CSMD1: variants seen among roughly 807,000 people sequenced by gnomAD.
The protein encoded by CSMD1 is CUB and sushi domain-containing protein 1.
Under a neutral mutation model 417.5 loss-of-function variants are expected in CSMD1, and 213 were observed. The ratio of observed to expected loss-of-function variants is 0.51; its 90% CI spans 0.46 to 0.57. The LOEUF (loss-of-function observed/expected upper bound fraction) is 0.57. CSMD1 is among the 20% of genes least tolerant of loss of function. The pLI is 0.00. For synonymous variants in CSMD1, 2,862 were observed against 1,736.8 expected (o/e 1.65, Z -16.11); for missense variants, 6,923 against 4,529.7 (o/e 1.53, Z -15.17).
At chr8:3,382,585 TATAA>T (rs1454385929) in intron 18 of CSMD1, among the ~76,000 whole-genome samples, 1 of 110,174 alleles carries the variant, frequency 9.1e-6, no homozygotes, top group Non-Finnish European at 2.0e-5. Context: ...ATAATAGATA[TATAA>T]ATATCTCTAT....
rs1489868387 is a variant in CSMD1, at chr8:3,351,571, T to C, written c.3305-3410A>G. ...GAGACCACCCAACTACATTTCAGCC[T>C]GGGCGACACAGTGTGAGACTCTGTT... On this transcript the variant is annotated intron_variant, in intron 21 of 69. Coordinates refer to ENST00000635120, the MANE Select transcript of CSMD1 (RefSeq NM_033225.6). 4.2e-5 allele frequency among the ~76,000 whole-genome samples: 6 copies of C among 142,840 alleles called. No homozygotes were observed. The South Asian group carries it at 1.3e-3, about 31-fold the overall frequency. The allele number at this position is 142,840 out of a possible 152,430, so 93.7% of individuals were successfully genotyped here. A position where few individuals can be genotyped will look rare whatever the true frequency, so the allele number is the denominator to read the frequency against.
chr8:3,191,579 C>T (rs919677942), intron 33 of CSMD1, among the ~76,000 whole-genome samples: 5 of 152,070 alleles, frequency 3.3e-5, no homozygotes, highest in Admixed American at 2.6e-4. Context: ...TATGGAATGA[C>T]GTGTGTGTAT....
At chr8:4,293,622 GTAT>G (rs1485857518) in intron 3 of CSMD1, among the ~76,000 whole-genome samples, 1 of 152,056 alleles carries the variant, frequency 6.6e-6, no homozygotes, top group Non-Finnish European at 1.5e-5. Context: ...CTGCAATCGT[GTAT>G]TTTGACTGTA....
chr8:4,028,935 T>C (rs1422558466), intron 4 of CSMD1, among the ~76,000 whole-genome samples: 1 of 152,166 alleles, frequency 6.6e-6, no homozygotes, highest in Non-Finnish European at 1.5e-5. Context: ...AACAGTAAAA[T>C]AGTATTTTTG....
In CSMD1 at chr8:2,942,457, G is replaced by T; in HGVS notation, c.10535+15C>A. ...CACTCACAACATTCTCAAACAGATG[G>T]TGTTTCTGCAGTACCTGTGTTTGTA... On this transcript the variant is annotated intron_variant, in intron 69 of 69. Transcript: ENST00000635120. 1 of 1,607,554 alleles carries T rather than the reference G, an allele frequency of 6.2e-7. No homozygotes were observed. Among genetic ancestry groups the T allele is most frequent in the Non-Finnish European group, 8.5e-7 (1 of 1,175,758 alleles).
intron 1 of CSMD1, among the ~76,000 whole-genome samples, chr8:4,942,884 C>G (rs1808106603): frequency 6.6e-6 from 1 of 152,160 alleles, no homozygotes; most frequent in Admixed American, 6.5e-5. Flanking sequence ...TCTATGAAAG[C>G]TTTTTGGAAA....
At chr8:4,172,290 C>T (rs1036356794) in intron 3 of CSMD1, among the ~76,000 whole-genome samples, 2 of 152,088 alleles carry the variant, frequency 1.3e-5, no homozygotes, top group Non-Finnish European at 2.9e-5. Flanking sequence ...TCTTGCAATG[C>T]AGTAACCACT....
At chr8:3,432,939 C>A (rs1433446578) in intron 12 of CSMD1, among the ~76,000 whole-genome samples, 4 of 152,098 alleles carry the variant, frequency 2.6e-5, no homozygotes, top group East Asian at 1.9e-4. Context: ...GAAGAACATA[C>A]CTTATCAATA....
In CSMD1 at chr8:3,199,721, C is replaced by A; in HGVS notation, c.5187G>T (p.Val1729=). ...ATGTGGAGTGACGCTTACCTTGATACACGAAGTGGAAGCCGCGGGCAGAGG... is the reference window on the plus strand; with the variant it reads ...ATGTGGAGTGACGCTTACCTTGATAAACGAAGTGGAAGCCGCGGGCAGAGG... ...SGASARGFHF[V]YQAVPRTSDT... Residue 1729 remains valine, a synonymous_variant, in exon 33 of 70, where the codon GTG becomes GTT. Transcript: ENST00000635120. 1 of 1,583,134 alleles carries A rather than the reference C, an allele frequency of 6.3e-7. No homozygotes were observed. Among genetic ancestry groups the A allele is most frequent in the Non-Finnish European group, 8.6e-7 (1 of 1,163,738 alleles).
intron 1 of CSMD1, among the ~76,000 whole-genome samples, chr8:4,868,589 C>T (rs745467828): frequency 3.8e-4 from 58 of 152,054 alleles, no homozygotes; most frequent in Non-Finnish European, 7.4e-4. Context: ...CATTTTCATT[C>T]GTCTAAATTG....
At chr8:4,367,085 T>C (rs1224011629) in intron 3 of CSMD1, among the ~76,000 whole-genome samples, 2 of 152,194 alleles carry the variant, frequency 1.3e-5, no homozygotes, top group Admixed American at 6.5e-5. Flanking sequence ...TTTATTGCAA[T>C]TGCTTTTAGA....
intron 1 of CSMD1, among the ~76,000 whole-genome samples, chr8:4,701,702 G>C (rs1172719038): frequency 1.3e-5 from 2 of 152,194 alleles, no homozygotes; most frequent in African/African-American, 2.4e-5. Context: ...AAAAAGTAGA[G>C]TGGTGACAAA....
At chr8:3,895,942 T>C (rs745959305) in intron 5 of CSMD1, among the ~76,000 whole-genome samples, 1 of 152,234 alleles carries the variant, frequency 6.6e-6, no homozygotes, top group African/African-American at 2.4e-5. Flanking sequence ...ATAGGCACTT[T>C]AGGTCCCACT....
Position 2,985,706 on chromosome 8 carries a change from C to G in CSMD1, c.8378-6906G>C, listed in dbSNP as rs201307046. Among the ~76,000 whole-genome samples, 4 of 152,280 alleles carry G rather than the reference C, an allele frequency of 2.6e-5. No homozygotes were observed. The East Asian group carries it at 7.7e-4, about 29-fold the overall frequency. ...AAGAAAGTCATAGGAGAGGGTGACT[C>G]AGCTTCACTCAAGGAGCTCAGTGGG... On this transcript the variant is annotated intron_variant, in intron 54 of 69. Coordinates refer to ENST00000635120, the MANE Select transcript of CSMD1 (RefSeq NM_033225.6).
chr8:4,711,498 A>C (rs768929033), intron 1 of CSMD1, among the ~76,000 whole-genome samples: 3 of 152,292 alleles, frequency 2.0e-5, no homozygotes, highest in Admixed American at 2.0e-4. Context: ...ATTTTCAGAG[A>C]AAGTATTTTT....
At position 3,963,721 on chromosome 8, in the gene CSMD1, T is replaced by C. The variant is rs184100091; in HGVS notation, c.818+34182A>G. 9.2e-5 allele frequency among the ~76,000 whole-genome samples: 14 copies of C among 152,310 alleles called. No homozygotes were observed. The East Asian group carries it at 2.7e-3, about 29-fold the overall frequency. On this transcript the variant is annotated intron_variant, in intron 5 of 69. Transcript: ENST00000635120. ...TTTCATCGTAGACAAACTGCAATAA[T>C]TTTGATAGCAAAACAAAAGCTATAT...
At chr8:3,937,963 C>A (rs1468613021) in intron 5 of CSMD1, among the ~76,000 whole-genome samples, 1 of 152,038 alleles carries the variant, frequency 6.6e-6, no homozygotes. Flanking sequence ...CTTACGGTGA[C>A]CATATTAAGT....
intron 8 of CSMD1, among the ~76,000 whole-genome samples, chr8:3,593,991 C>T (rs73660324): frequency 0.01 from 1,574 of 152,252 alleles, 25 homozygotes; most frequent in African/African-American, 0.034. Flanking sequence ...ATTAGAAAGA[C>T]GACAGTGTTT....
chr8:3,614,443 G>A (rs1241819471), intron 8 of CSMD1, among the ~76,000 whole-genome samples: 1 of 152,088 alleles, frequency 6.6e-6, no homozygotes, highest in Non-Finnish European at 1.5e-5. Context: ...AGAATGAAAT[G>A]GAGTAAAGAT....
Sources: allele counts gnomAD v4.1 joint callset (sites outside exome capture counted in the v4.1 genomes callset), GRCh38; gene constraint gnomAD v4.1.1; transcripts MANE v1.5; gene names NCBI Gene and HGNC (gene_info 2026-07-23, HGNC 2026-07-21).